EBF2: variants seen among roughly 807,000 people sequenced by gnomAD.
EBF2 encodes EBF transcription factor 2.
Under a neutral mutation model 72.8 loss-of-function variants are expected in EBF2, and 21 were observed. The observed-to-expected ratio is 0.29, with a 90% confidence interval of 0.20 to 0.42. EBF2 has a LOEUF of 0.42. Ranked by LOEUF, EBF2 falls within the 10% of genes least tolerant of loss-of-function variation. The probability of loss-of-function intolerance (pLI) is 1.00; values close to 1 mark genes in which losing one functional copy is unlikely to be tolerated. For missense variants in EBF2, 637 were observed against 731.2 expected (o/e 0.87, Z 1.49); for synonymous variants, 299 against 274.2 (o/e 1.09, Z -0.89).
chr8:26,009,913 G>A (rs1804949309), intron 6 of EBF2, among the ~76,000 whole-genome samples: 1 of 152,156 alleles, frequency 6.6e-6, no homozygotes, highest in South Asian at 2.1e-4. Flanking sequence ...GCCAGGACAT[G>A]GAATAATCAT....
intron 14 of EBF2, among the ~76,000 whole-genome samples, chr8:25,857,215 C>A (rs953626949): frequency 4.6e-5 from 7 of 152,064 alleles, no homozygotes; most frequent in Non-Finnish European, 1.0e-4. Flanking sequence ...AAGAACTGAC[C>A]TCTACTACCC....
intron 6 of EBF2, among the ~76,000 whole-genome samples, chr8:25,999,287 T>C (rs1804683827): frequency 3.3e-5 from 5 of 152,198 alleles, no homozygotes. Flanking sequence ...AAGACACACA[T>C]TCATGATGAT....
intron 6 of EBF2, among the ~76,000 whole-genome samples, chr8:25,913,416 G>C (rs1014782599): frequency 1.3e-5 from 2 of 151,976 alleles, no homozygotes; most frequent in Non-Finnish European, 2.9e-5. Flanking sequence ...ACTCCAACCT[G>C]GTGACAAAGT....
At position 26,044,800 on chromosome 8, in the gene EBF2, G is replaced by A. The variant is rs1465136436; in HGVS notation, c.60C>T (p.Gly20=). ...AGGACCTGACCGAATCCATCTCCGC[G>A]CCCAGCGATTTCTCTTTCAGAGTTG... ...RGPTLKEKSL[G]AEMDSVRSWV... The change falls in exon 1 of 16, where the codon GGC becomes GGT. Residue 20 remains glycine, a synonymous_variant. Coordinates refer to ENST00000520164, the MANE Select transcript of EBF2 (RefSeq NM_022659.4). The surrounding 1 kb of genome is among the most constrained non-coding windows in gnomAD (Gnocchi z 4.1). 1.2e-6 allele frequency: 2 copies of A among 1,613,948 alleles called. No individual in the cohort carries two copies.
At chr8:25,923,393 G>A (rs1315710920) in intron 6 of EBF2, among the ~76,000 whole-genome samples, 3 of 152,162 alleles carry the variant, frequency 2.0e-5, no homozygotes, top group Non-Finnish European at 4.4e-5. Flanking sequence ...CTTGAATTAA[G>A]ACAGAACCTG....
At chr8:26,006,438 C>A (rs1007328983) in intron 6 of EBF2, among the ~76,000 whole-genome samples, 2 of 152,202 alleles carry the variant, frequency 1.3e-5, no homozygotes, top group Non-Finnish European at 2.9e-5. Flanking sequence ...CTTAGTCATT[C>A]TTCTCTTACG....
intron 6 of EBF2, among the ~76,000 whole-genome samples, chr8:25,998,560 C>T (rs956401048): frequency 6.6e-6 from 1 of 152,144 alleles, no homozygotes; most frequent in Non-Finnish European, 1.5e-5. Context: ...ATGTAAACTC[C>T]AGTGGTGACG....
At chr8:25,978,500 T>C (rs1407239546) in intron 6 of EBF2, among the ~76,000 whole-genome samples, 1 of 152,158 alleles carries the variant, frequency 6.6e-6, no homozygotes, top group Non-Finnish European at 1.5e-5. Context: ...ATCCTGGTTA[T>C]CCCATGATGG....
intron 6 of EBF2, among the ~76,000 whole-genome samples, chr8:26,007,451 C>G (rs1804900504): frequency 1.3e-5 from 2 of 152,112 alleles, no homozygotes; most frequent in Non-Finnish European, 2.9e-5. Flanking sequence ...TTGTTCTCCT[C>G]TATTTCATTT....
chr8:26,018,091 C>T (rs1159939061), intron 6 of EBF2, among the ~76,000 whole-genome samples: 2 of 150,578 alleles, frequency 1.3e-5, no homozygotes, highest in Non-Finnish European at 1.5e-5. Flanking sequence ...AGGGAGACAA[C>T]GGACCTCATA....
At chr8:26,002,856 G>A (rs1003178401) in intron 6 of EBF2, among the ~76,000 whole-genome samples, 297 of 96,118 alleles carry the variant, frequency 3.1e-3, no homozygotes, top group Admixed American at 5.1e-3. Context: ...GCAGGCAGGC[G>A]GGCAGGCGGG....
intron 2 of EBF2, among the ~76,000 whole-genome samples, 180 bp downstream of exon 2, chr8:26,041,915 A>G (rs1563217413): frequency 6.6e-6 from 1 of 151,804 alleles, no homozygotes; most frequent in Non-Finnish European, 1.5e-5. Flanking sequence ...AGGTTGGGGG[A>G]GTCGGGGTGG....
At chr8:25,978,702 C>A (rs1804307365) in intron 6 of EBF2, among the ~76,000 whole-genome samples, 1 of 152,214 alleles carries the variant, frequency 6.6e-6, no homozygotes, top group South Asian at 2.1e-4. Context: ...ATGGCATGTG[C>A]TTTGCCCAAG....
intron 6 of EBF2, among the ~76,000 whole-genome samples, chr8:25,939,954 C>T (rs1803642331): frequency 6.6e-6 from 1 of 152,170 alleles, no homozygotes; most frequent in Non-Finnish European, 1.5e-5. Flanking sequence ...ATTTCCCCAT[C>T]ATGATAAAGA....
chr8:26,041,318 C>T lies in EBF2; in HGVS notation c.289-316G>A, dbSNP rs992330028. On this transcript the variant is annotated intron_variant, in intron 2 of 15. Coordinates refer to ENST00000520164, the MANE Select transcript of EBF2 (RefSeq NM_022659.4). ...CTGCCTTTAAACAGGCACCACCCAA[C>T]CCATCGGGCTCTGTCTGTCCTTAGG... is the stretch of plus-strand genomic sequence containing the variant. The T allele has an allele frequency of 2.0e-4, 82 of 416,916 alleles. 1 individual carries two copies. The East Asian group carries it at 3.8e-3, about 19-fold the overall frequency. The allele number at this position is 416,916 out of a possible 1,614,324, so 25.8% of individuals were successfully genotyped here. A position where few individuals can be genotyped will look rare whatever the true frequency, so the allele number is the denominator to read the frequency against.
intron 6 of EBF2, among the ~76,000 whole-genome samples, chr8:25,910,789 C>T (rs996740043): frequency 6.6e-6 from 1 of 151,724 alleles, no homozygotes; most frequent in Non-Finnish European, 1.5e-5. Context: ...ACTGGGTTCA[C>T]GAAGGAGAAG....
chr8:25,973,815 A>G (rs1376196928), intron 6 of EBF2, among the ~76,000 whole-genome samples: 3 of 152,084 alleles, frequency 2.0e-5, no homozygotes, highest in Admixed American at 1.3e-4. Context: ...AGCTGGGACA[A>G]CAGGTATGCA....
chr8:25,842,607 T>C lies in EBF2; in HGVS notation c.*2002A>G, dbSNP rs1466474222. The C allele has an allele frequency of 6.6e-6, 1 of 152,208 alleles. No homozygotes were observed. Among genetic ancestry groups the C allele is most frequent in the Non-Finnish European group, 1.5e-5 (1 of 68,034 alleles). 9.4% of individuals were successfully genotyped at this position (152,208 alleles called of 1,614,324 possible). On this transcript the variant is annotated 3_prime_UTR_variant, in exon 16 of 16. Transcript: ENST00000520164. ...TCTCACTGGGGGACTTTTTCTCTTA[T>C]GTTTCCGTGTATTTTGGCGCTTTAA...
intron 6 of EBF2, among the ~76,000 whole-genome samples, chr8:25,976,096 A>G (rs1259053169): frequency 2.0e-5 from 3 of 152,186 alleles, no homozygotes; most frequent in Non-Finnish European, 4.4e-5. Flanking sequence ...AAATAATAAT[A>G]AATTCAATTA....
Sources: gnomAD v4.1 joint callset for allele counts (sites outside exome capture counted in the v4.1 genomes callset) on GRCh38, gnomAD v4.1.1 for gene constraint, Gnocchi (gnomAD v3.1) non-coding constraint, MANE v1.5 for transcripts, NCBI Gene and HGNC (gene_info 2026-07-23, HGNC 2026-07-21) for gene names.